Variants in TANGO2 observed in about 807,000 individuals in gnomAD.
The protein encoded by TANGO2 is transport and golgi organization 2 homolog.
In TANGO2, 26 loss-of-function variants were observed where a neutral mutation model predicts 39.1. The observed-to-expected ratio is 0.67, with a 90% CI of 0.49 to 0.92. The LOEUF is 0.92. TANGO2 is among the 40% of genes least tolerant of loss of function. The pLI is 0.00. For missense variants in TANGO2, 326 were observed against 360.1 expected (o/e 0.91, Z 0.77); for synonymous variants, 131 against 144.5 (o/e 0.91, Z 0.67).
chr22:20,026,675 A>G (rs80254054), intron 1 of TANGO2, among the ~76,000 whole-genome samples: 4,483 of 152,376 alleles, frequency 0.029, 243 homozygotes, highest in African/African-American at 0.1. Context: ...TCAGTGAGAC[A>G]AAGGCCTAGC....
chr22:20,062,838 C>CA (rs1164869018), intron 7 of TANGO2: 1 of 153,372 alleles, frequency 6.5e-6, no homozygotes, highest in African/African-American at 2.4e-5. Flanking sequence ...GTGGAGGAAA[C>CA]ACGCCTGGTG....
At chr22:20,051,716 G>A (rs1352776439) in intron 3 of TANGO2, among the ~76,000 whole-genome samples, 5 of 152,102 alleles carry the variant, frequency 3.3e-5, no homozygotes, top group African/African-American at 1.2e-4. Flanking sequence ...AGCCGAGTGT[G>A]ATGGTACCTG....
rs2044366013 is a variant in TANGO2 at position 20,043,421 on chromosome 22, G to A, written c.123G>A (p.Gly41=). 1 of 1,613,032 alleles carries A rather than the reference G, an allele frequency of 6.2e-7. No individual in the cohort carries two copies. The highest frequency in any genetic ancestry group is 8.5e-7 in the Non-Finnish European group (1 of 1,179,276). The part of the protein sequence containing the change: ...SRPSKLADFW[G]NNNEILSGLD... Reference sequence around the variant, plus strand: ...CCTCCAAGTTAGCTGACTTCTGGGGGAACAACAACGAGATCCTCAGTGGTG... The same window carrying A: ...CCTCCAAGTTAGCTGACTTCTGGGGAAACAACAACGAGATCCTCAGTGGTG... The change falls in exon 3 of 9, where the codon GGG becomes GGA. Residue 41 remains glycine (G), a synonymous_variant. Transcript: ENST00000327374.
chr22:20,047,726 TC>T (rs915215672), intron 3 of TANGO2, among the ~76,000 whole-genome samples: 1 of 152,172 alleles, frequency 6.6e-6, no homozygotes, highest in Non-Finnish European at 1.5e-5. Flanking sequence ...TCACTTTGTT[TC>T]CTGTCTGTCA....
intron 3 of TANGO2, among the ~76,000 whole-genome samples, chr22:20,043,997 C>A (rs2044546289): frequency 6.6e-6 from 1 of 152,132 alleles, no homozygotes; most frequent in Non-Finnish European, 1.5e-5. Flanking sequence ...TCCTCCCCAC[C>A]AAAGATACCA....
chr22:20,029,989 C>T (rs1296396241), intron 1 of TANGO2, among the ~76,000 whole-genome samples: 1 of 152,114 alleles, frequency 6.6e-6, no homozygotes, highest in Non-Finnish European at 1.5e-5. Context: ...CACATCCTTT[C>T]GTCCCTTGCT....
At chr22:20,020,734 G>C (rs983780266), upstream of TANGO2, among the ~76,000 whole-genome samples, 4 of 152,242 alleles carry the variant, frequency 2.6e-5, no homozygotes, top group Non-Finnish European at 4.4e-5. Flanking sequence ...GAGGGGGCCA[G>C]TCCGGAAGTG....
chr22:20,056,082 T>C, intron 6 of TANGO2, 69 bp downstream of exon 6: 1 of 1,271,674 alleles, frequency 7.9e-7, no homozygotes. Context: ...TTGTGCTTTT[T>C]AGAGACCAGG....
At chr22:20,053,262 G>C (rs1256353979) in intron 4 of TANGO2, 175 bp from the exon 5 acceptor site, 8 of 581,668 alleles carry the variant, frequency 1.4e-5, no homozygotes, top group Non-Finnish European at 2.5e-5. Flanking sequence ...GTGCCGACCT[G>C]AGTGGCAGCC....
chr22:20,050,657 C>T (rs1187954377), intron 3 of TANGO2, among the ~76,000 whole-genome samples: 6 of 144,548 alleles, frequency 4.2e-5, no homozygotes, highest in Admixed American at 1.4e-4. Flanking sequence ...CCACTGCACC[C>T]GGCTTTTTTT....
In TANGO2 at chr22:20,061,889, A is replaced by T. The variant is rs1389362787; in HGVS notation, c.605+206A>T. The T allele has an allele frequency of 6.0e-6, 4 of 664,902 alleles. No individual in the cohort carries two copies. In the South Asian group the frequency reaches 9.3e-5, roughly 15 times the overall value. The allele number at this position is 664,902 out of a possible 1,614,324, so 41.2% of individuals were successfully genotyped here. ...CACCAGGGACTTTTGATGACAGAAG[A>T]TGGGCCCAGGCCCAGGCCCAGGCCC... On this transcript the variant is annotated intron_variant, in intron 7 of 8. Transcript: ENST00000327374.
chr22:20,041,382 G>A lies in TANGO2; in HGVS notation c.57-1973G>A, dbSNP rs188941210. ...GGCTGGAGTACAGTAGCATGATCTC[G>A]GCTCACTGCAAACTCTGCCTCCCGG... On this transcript the variant is annotated intron_variant, in intron 2 of 8. Coordinates refer to ENST00000327374, the MANE Select transcript of TANGO2 (RefSeq NM_152906.7). Among the ~76,000 whole-genome samples, 873 of 138,318 alleles carry A rather than the reference G, an allele frequency of 6.3e-3. 13 individuals carry two copies. The highest frequency in any genetic ancestry group is 0.029 in the Admixed American group (374 of 12,772). The allele number at this position is 138,318 out of a possible 152,430, so 90.7% of individuals were successfully genotyped here.
chr22:20,037,178 G>A lies in TANGO2; in HGVS notation c.56+324G>A, dbSNP rs1288242560. ...GGTCGGGCGGCAGAACTGGGACAAC[G>A]GCGTCAGTGAGTGAGAGCCAGCTTG... On this transcript the variant is annotated intron_variant, in intron 2 of 8. Transcript: ENST00000327374. 36 of 1,432,250 alleles carry A rather than the reference G, an allele frequency of 2.5e-5. 1 individual carries two copies. Among genetic ancestry groups the A allele is most frequent in the Middle Eastern group, 3.8e-4 (2 of 5,214 alleles). 88.7% of individuals were successfully genotyped at this position (1,432,250 alleles called of 1,614,324 possible).
intron 3 of TANGO2, among the ~76,000 whole-genome samples, chr22:20,044,259 A>G (rs2044634942): frequency 6.6e-6 from 1 of 152,168 alleles, no homozygotes; most frequent in African/African-American, 2.4e-5. Flanking sequence ...TGTTGGGATT[A>G]TAGGTGTGAA....
intron 2 of TANGO2, among the ~76,000 whole-genome samples, chr22:20,038,088 C>CA (rs1369195147): frequency 6.6e-6 from 1 of 151,730 alleles, no homozygotes; most frequent in East Asian, 1.9e-4. Flanking sequence ...GACTGCATCT[C>CA]AAAAAAAAGA....
Position 20,063,416 on chromosome 22 carries a change from C to T in TANGO2, c.684C>T (p.Cys228=), listed in dbSNP as rs1205228869. 9.9e-6 allele frequency: 16 copies of T among 1,613,072 alleles called. No individual in the cohort carries two copies. The highest frequency in any genetic ancestry group is 1.0e-5 in the Non-Finnish European group (12 of 1,179,736). The change falls in exon 8 of 9, where the codon TGC becomes TGT. Residue 228 remains cysteine (C), a synonymous_variant. Transcript: ENST00000327374. ...TGCTGAGCAAGTACGCGGCTGTGTG[C>T]GTGCGCTGCCCTGGCTACGGCACCA... ...QPMLSKYAAV[C]VRCPGYGTRT... is the part of the protein sequence containing the mutation.
intron 1 of TANGO2, among the ~76,000 whole-genome samples, chr22:20,025,047 G>C (rs1463297451): frequency 2.0e-5 from 3 of 151,508 alleles, no homozygotes; most frequent in African/African-American, 4.8e-5. Flanking sequence ...GGCAGGATCT[G>C]TACATTTTCT....
intron 7 of TANGO2, among the ~76,000 whole-genome samples, chr22:20,062,231 G>T (rs1270710040): frequency 2.0e-5 from 3 of 152,148 alleles, no homozygotes; most frequent in Non-Finnish European, 4.4e-5. Flanking sequence ...CCCCTCAGGG[G>T]CCAGGCACTG....
intron 2 of TANGO2, among the ~76,000 whole-genome samples, chr22:20,037,915 T>A (rs536931940): frequency 9.9e-5 from 15 of 151,902 alleles, no homozygotes; most frequent in African/African-American, 2.4e-5. Flanking sequence ...GGATAACACA[T>A]CTCTACTAAA....
Sources: gnomAD v4.1 joint callset for allele counts (sites outside exome capture counted in the v4.1 genomes callset) on GRCh38, gnomAD v4.1.1 for gene constraint, MANE v1.5 for transcripts, NCBI Gene and HGNC (gene_info 2026-07-23, HGNC 2026-07-21) for gene names.